The following LSAMP variants were observed in gnomAD, a reference collection of about 807,000 sequenced individuals.
LSAMP encodes limbic system associated membrane protein.
Under a neutral mutation model 38.6 loss-of-function variants are expected in LSAMP, and 7 were observed. That is an observed-to-expected ratio of 0.18 (90% CI 0.10 to 0.34). LSAMP has a LOEUF of 0.34. LSAMP is among the 10% of genes least tolerant of loss of function. The pLI is 1.00. For missense variants in LSAMP, 313 were observed against 420.0 expected (o/e 0.75, Z 2.23); for synonymous variants, 154 against 166.8 (o/e 0.92, Z 0.59).
intron 1 of LSAMP, among the ~76,000 whole-genome samples, chr3:116,296,760 G>GGGTA (rs1035786785): frequency 4.0e-5 from 6 of 150,398 alleles, no homozygotes; most frequent in African/African-American, 1.5e-4. Context: ...CTACTCCTAT[G>GGGTA]GGTAATACAT....
intron 6 of LSAMP, among the ~76,000 whole-genome samples, chr3:115,826,002 G>C (rs1934394773): frequency 6.6e-6 from 1 of 152,086 alleles, no homozygotes; most frequent in Admixed American, 6.5e-5. Context: ...AATTTATTAG[G>C]CTTTATAGTG....
At position 116,109,533 on chromosome 3, in the gene LSAMP, G is replaced by A. The variant is rs989153711; in HGVS notation, c.156-22977C>T. Among the ~76,000 whole-genome samples, 9 of 152,272 alleles carry A rather than the reference G, an allele frequency of 5.9e-5. No individual in the cohort carries two copies. In the South Asian group the frequency reaches 1.4e-3, roughly 25 times the overall value. ...CTGATGTGTAAAAGAATGCCTGGAC[G>A]TCAGGCACCTCAGACCATTTGCTCA... On this transcript the variant is annotated intron_variant, in intron 1 of 6. Transcript: ENST00000490035.
chr3:116,161,228 G>A (rs1035316080), intron 1 of LSAMP, among the ~76,000 whole-genome samples: 1 of 152,160 alleles, frequency 6.6e-6, no homozygotes, highest in East Asian at 1.9e-4. Context: ...GGAAGCAAGA[G>A]AAGCTATACA....
intron 1 of LSAMP, among the ~76,000 whole-genome samples, chr3:116,117,219 T>C (rs1359055434): frequency 6.6e-6 from 1 of 152,164 alleles, no homozygotes; most frequent in Non-Finnish European, 1.5e-5. Context: ...AAACTCTGAG[T>C]GTGTGGGTGG....
At chr3:116,247,847 T>C (rs1045543094) in intron 1 of LSAMP, among the ~76,000 whole-genome samples, 4 of 152,216 alleles carry the variant, frequency 2.6e-5, no homozygotes, top group African/African-American at 7.2e-5. Context: ...TCAGGCCATA[T>C]TGACTCATCT....
At chr3:116,423,672 T>C (rs1326798003) in intron 1 of LSAMP, among the ~76,000 whole-genome samples, 1 of 152,164 alleles carries the variant, frequency 6.6e-6, no homozygotes, top group African/African-American at 2.4e-5. Context: ...AAAGCAGTGA[T>C]TCAGCAGAGA....
At chr3:116,416,429 G>A (rs2049051595) in intron 1 of LSAMP, among the ~76,000 whole-genome samples, 2 of 152,112 alleles carry the variant, frequency 1.3e-5, no homozygotes, top group South Asian at 4.2e-4. Flanking sequence ...ACTACATTTG[G>A]GAGGAGAATG....
At chr3:116,129,823 G>C (rs528266953) in intron 1 of LSAMP, among the ~76,000 whole-genome samples, 2 of 152,292 alleles carry the variant, frequency 1.3e-5, no homozygotes, top group East Asian at 1.9e-4. Flanking sequence ...CCAGCCCTTC[G>C]GGGATGTACC....
At chr3:116,291,627 T>C (rs1210550404) in intron 1 of LSAMP, among the ~76,000 whole-genome samples, 13 of 152,210 alleles carry the variant, frequency 8.5e-5, no homozygotes. Flanking sequence ...TAGGGATCTA[T>C]CTAAACTTTC....
At chr3:116,347,513 T>C (rs1462473005) in intron 1 of LSAMP, among the ~76,000 whole-genome samples, 1 of 152,180 alleles carries the variant, frequency 6.6e-6, no homozygotes. Flanking sequence ...TGTGCTCTCT[T>C]TCTTGTACTA....
At chr3:115,863,301 G>A (rs1187418681) in intron 3 of LSAMP, among the ~76,000 whole-genome samples, 1 of 152,126 alleles carries the variant, frequency 6.6e-6, no homozygotes, top group Non-Finnish European at 1.5e-5. Flanking sequence ...GACCTCAGAG[G>A]GAGAGTGCTA....
At chr3:116,151,997 A>T (rs779915431) in intron 1 of LSAMP, among the ~76,000 whole-genome samples, 2 of 151,988 alleles carry the variant, frequency 1.3e-5, no homozygotes, top group Non-Finnish European at 2.9e-5. Context: ...TTACCTTTTA[A>T]ATTTATCTGA....
chr3:115,846,173 G>A (rs796963897), intron 4 of LSAMP, among the ~76,000 whole-genome samples: 3 of 152,210 alleles, frequency 2.0e-5, no homozygotes, highest in African/African-American at 7.2e-5. Flanking sequence ...TCAAAATATG[G>A]TTATAATAAA....
chr3:115,910,682 C>T (rs1478705110), intron 3 of LSAMP, among the ~76,000 whole-genome samples: 7 of 152,184 alleles, frequency 4.6e-5, no homozygotes, highest in Non-Finnish European at 7.3e-5. Flanking sequence ...TTTATAGCCA[C>T]ACCACTTCTC....
At chr3:116,138,605 A>G (rs1461708308) in intron 1 of LSAMP, among the ~76,000 whole-genome samples, 1 of 151,994 alleles carries the variant, frequency 6.6e-6, no homozygotes, top group African/African-American at 2.4e-5. Context: ...AGCATTCAGG[A>G]TGGCGCTGTG....
At chr3:116,157,435 A>G (rs1371688513) in intron 1 of LSAMP, among the ~76,000 whole-genome samples, 1 of 152,142 alleles carries the variant, frequency 6.6e-6, no homozygotes, top group African/African-American at 2.4e-5. Flanking sequence ...ATCATTGGTA[A>G]CAAGGAGGAA....
At chr3:116,438,325 T>G (rs1303953623) in intron 1 of LSAMP, among the ~76,000 whole-genome samples, 1 of 152,198 alleles carries the variant, frequency 6.6e-6, no homozygotes, top group Non-Finnish European at 1.5e-5. Flanking sequence ...ATACAATACT[T>G]TGATACATAC....
intron 1 of LSAMP, among the ~76,000 whole-genome samples, chr3:116,276,976 C>A (rs2047063657): frequency 6.6e-6 from 1 of 152,100 alleles, no homozygotes; most frequent in African/African-American, 2.4e-5. Context: ...TGTGGCAGAT[C>A]CTGTCTGATT....
At chr3:116,173,193 C>T (rs1052018180) in intron 1 of LSAMP, among the ~76,000 whole-genome samples, 5 of 152,000 alleles carry the variant, frequency 3.3e-5, no homozygotes, top group Non-Finnish European at 7.4e-5. Context: ...AACTGTCATT[C>T]AATAAATGTT....
Sources: gnomAD v4.1 joint callset for allele counts (sites outside exome capture counted in the v4.1 genomes callset) on GRCh38, gnomAD v4.1.1 for gene constraint, MANE v1.5 for transcripts, NCBI Gene and HGNC (gene_info 2026-07-23, HGNC 2026-07-21) for gene names.